NXPE2: variants seen among roughly 807,000 people sequenced by gnomAD.
The protein encoded by NXPE2 is neurexophilin and PC-esterase domain family member 2.
NXPE2 carries 34 observed loss-of-function variants against 34.4 expected under a neutral mutation model. The ratio of observed to expected loss-of-function variants is 0.99; its 90% CI spans 0.75 to 1.31. The LOEUF is 1.31. Ranked by LOEUF, NXPE2 falls within the 40% of genes most tolerant of loss-of-function variation. The probability of loss-of-function intolerance (pLI) is 0.00; values close to 1 mark genes in which losing one functional copy is unlikely to be tolerated. For synonymous variants in NXPE2, 235 were observed against 231.3 expected (o/e 1.02, Z -0.15); for missense variants, 649 against 672.5 (o/e 0.97, Z 0.39).
the NXPE2 span, among the ~76,000 whole-genome samples, chr11:114,785,976 TA>T: frequency 7.2e-5 from 11 of 151,916 alleles, no homozygotes; most frequent in East Asian, 1.9e-4. Context: ...TTAGATAGTG[TA>T]AAAAAAAGAA....
chr11:114,764,311 G>A, the NXPE2 span, among the ~76,000 whole-genome samples: 1 of 152,104 alleles, frequency 6.6e-6, no homozygotes, highest in Non-Finnish European at 1.5e-5. Flanking sequence ...AATTATTTGG[G>A]CATGATAGTA....
At chr11:114,787,268 A>G in the NXPE2 span, among the ~76,000 whole-genome samples, 1 of 152,156 alleles carries the variant, frequency 6.6e-6, no homozygotes, top group East Asian at 1.9e-4. Context: ...CACCCTCCCA[A>G]GCTCATGCAG....
the NXPE2 span, among the ~76,000 whole-genome samples, chr11:114,484,659 G>A: frequency 6.6e-6 from 1 of 152,064 alleles, no homozygotes; most frequent in Non-Finnish European, 1.5e-5. Flanking sequence ...CTGTTTCTGC[G>A]GGCTAGAATT....
the NXPE2 span, among the ~76,000 whole-genome samples, chr11:114,603,140 T>A: frequency 6.6e-6 from 1 of 151,954 alleles, no homozygotes; most frequent in Admixed American, 6.6e-5. Flanking sequence ...GGATAATAAT[T>A]ATTGCCTTGT....
At chr11:114,479,516 A>G in the NXPE2 span, among the ~76,000 whole-genome samples, 4 of 152,166 alleles carry the variant, frequency 2.6e-5, no homozygotes, top group African/African-American at 9.7e-5. Flanking sequence ...CAGGTTTCAG[A>G]CTTGAGTAAT....
At chr11:114,618,551 G>A in the NXPE2 span, among the ~76,000 whole-genome samples, 1 of 151,950 alleles carries the variant, frequency 6.6e-6, no homozygotes, top group African/African-American at 2.4e-5. Flanking sequence ...GGTGATCACT[G>A]TTACCCAGTG....
At chr11:114,501,794 G>A in the NXPE2 span, among the ~76,000 whole-genome samples, 1 of 152,144 alleles carries the variant, frequency 6.6e-6, no homozygotes, top group African/African-American at 2.4e-5. Flanking sequence ...ACGTATCAGT[G>A]AGAACATTAG....
At chr11:114,774,802 G>C in the NXPE2 span, among the ~76,000 whole-genome samples, 1 of 152,210 alleles carries the variant, frequency 6.6e-6, no homozygotes, top group Non-Finnish European at 1.5e-5. Context: ...TGCGCTGCCA[G>C]TTGCAGTAGG....
At chr11:114,577,358 A>G in the NXPE2 span, among the ~76,000 whole-genome samples, 4 of 151,782 alleles carry the variant, frequency 2.6e-5, no homozygotes, top group South Asian at 8.3e-4. Context: ...ATGAGGACGC[A>G]AAGGCTTAAG....
chr11:114,489,570 C>T, the NXPE2 span, among the ~76,000 whole-genome samples: 15 of 151,606 alleles, frequency 9.9e-5, no homozygotes, highest in African/African-American at 1.5e-4. Context: ...AATCAATAAA[C>T]GTAATCCAGC....
chr11:114,605,848 A>G, the NXPE2 span, among the ~76,000 whole-genome samples: 6 of 151,816 alleles, frequency 4.0e-5, no homozygotes, highest in East Asian at 1.2e-3. Context: ...CTCATGGGTA[A>G]CCACTGTTAC....
the NXPE2 span, among the ~76,000 whole-genome samples, chr11:114,628,086 C>A: frequency 6.7e-6 from 1 of 148,658 alleles, no homozygotes; most frequent in East Asian, 1.9e-4. Flanking sequence ...CTTTAACACC[C>A]CACTGTCAAC....
At chr11:114,567,974 T>C in the NXPE2 span, among the ~76,000 whole-genome samples, 1 of 152,104 alleles carries the variant, frequency 6.6e-6, no homozygotes, top group Non-Finnish European at 1.5e-5. Flanking sequence ...TATATATATA[T>C]ACTGGCCAAT....
chr11:114,719,638 A>T, the NXPE2 span, among the ~76,000 whole-genome samples: 3 of 152,244 alleles, frequency 2.0e-5, no homozygotes, highest in Non-Finnish European at 4.4e-5. Flanking sequence ...CCTAATGGAC[A>T]ATCTGCAGAA....
At chr11:114,549,009 G>T in the NXPE2 span, among the ~76,000 whole-genome samples, 1 of 151,818 alleles carries the variant, frequency 6.6e-6, no homozygotes, top group African/African-American at 2.4e-5. Context: ...GTAACAAGAT[G>T]ATTTTCACAA....
chr11:114,784,691 T>C, the NXPE2 span, among the ~76,000 whole-genome samples: 1 of 152,122 alleles, frequency 6.6e-6, no homozygotes, highest in Non-Finnish European at 1.5e-5. Flanking sequence ...AAAAGCTCTC[T>C]CTTCGAGAGC....
chr11:114,632,566 T>G, the NXPE2 span, among the ~76,000 whole-genome samples: 1 of 115,410 alleles, frequency 8.7e-6, no homozygotes, highest in Admixed American at 1.3e-4. Context: ...GTTATATATT[T>G]ACATATATCA....
the NXPE2 span, among the ~76,000 whole-genome samples, chr11:114,759,059 C>T: frequency 7.2e-5 from 11 of 152,048 alleles, no homozygotes; most frequent in African/African-American, 1.9e-4. Context: ...CACACACACA[C>T]GTGCGCAAAC....
the NXPE2 span, among the ~76,000 whole-genome samples, chr11:114,475,697 T>C: frequency 6.6e-6 from 1 of 152,238 alleles, no homozygotes; most frequent in East Asian, 1.9e-4. Context: ...ATTTCCATGG[T>C]TAGCTCTCTC....
Sources: allele counts gnomAD v4.1 joint callset (sites outside exome capture counted in the v4.1 genomes callset), GRCh38; gene constraint gnomAD v4.1.1; transcripts MANE v1.5; gene names NCBI Gene and HGNC (gene_info 2026-07-23, HGNC 2026-07-21).